The following WFDC8 variants were observed in gnomAD, a reference collection of about 807,000 sequenced individuals.
WFDC8 encodes the protein WAP four-disulfide core domain 8, also known as WAP four-disulfide core domain protein 8.
Under a neutral mutation model 27.0 loss-of-function variants are expected in WFDC8, and 24 were observed. That is an observed-to-expected ratio of 0.89 (90% CI 0.64 to 1.25). The LOEUF is 1.25. Ranked by LOEUF, WFDC8 falls within the 50% of genes most tolerant of loss-of-function variation. The pLI is 0.00. For missense variants in WFDC8, 287 were observed against 295.9 expected (o/e 0.97, Z 0.22); for synonymous variants, 106 against 99.7 (o/e 1.06, Z -0.38).
intron 1 of WFDC8, among the ~76,000 whole-genome samples, chr20:45,563,302 G>A (rs1235238185): frequency 6.6e-6 from 1 of 152,174 alleles, no homozygotes; most frequent in African/African-American, 2.4e-5. Flanking sequence ...TGGAAAATGG[G>A]AATAATACAA....
At chr20:45,575,912 A>G (rs1418536651) in intron 1 of WFDC8, among the ~76,000 whole-genome samples, 1 of 151,296 alleles carries the variant, frequency 6.6e-6, no homozygotes, top group Non-Finnish European at 1.5e-5. Context: ...TCAACCAGAT[A>G]TGTGCCTCTA....
chr20:45,563,608 G>A lies in WFDC8; in HGVS notation c.27-1389C>T, dbSNP rs367617376. On this transcript the variant is annotated intron_variant, in intron 1 of 5. Transcript: ENST00000289953. ...ATCAGTGTTTATTGTATTTTAGCCA[G>A]TTAACAAATAATGAATGGCAATAGT... is the stretch of plus-strand genomic sequence containing the variant. 2.2e-4 allele frequency among the ~76,000 whole-genome samples: 34 copies of A among 152,348 alleles called. No individual in the cohort carries two copies. In the East Asian group the frequency reaches 6.2e-3, roughly 28 times the overall value.
chr20:45,553,287 A>G lies in WFDC8; in HGVS notation c.446-11T>C. On this transcript the variant is annotated splice_polypyrimidine_tract_variant and intron_variant, in intron 4 of 5. Transcript: ENST00000289953. ...ATTGTCCATCCTTAACTAAAATAAG[A>G]GCAGATGTGAGCTTCTTAAAACCCC... 2 of 1,608,318 alleles carry G rather than the reference A, an allele frequency of 1.2e-6. No individual in the cohort carries two copies. Among genetic ancestry groups the G allele is most frequent in the Admixed American group, 1.7e-5 (1 of 59,418 alleles).
intron 1 of WFDC8, among the ~76,000 whole-genome samples, chr20:45,569,821 G>A (rs1031588880): frequency 3.0e-4 from 45 of 152,154 alleles, no homozygotes; most frequent in African/African-American, 1.1e-3. Context: ...TAAAGAAAAT[G>A]TGATACATAC....
intron 1 of WFDC8, among the ~76,000 whole-genome samples, chr20:45,574,931 T>C (rs759204114): frequency 3.3e-5 from 5 of 152,212 alleles, no homozygotes; most frequent in Admixed American, 6.5e-5. Context: ...ATAAATAATA[T>C]GATCATCTCA....
intron 4 of WFDC8, among the ~76,000 whole-genome samples, chr20:45,553,526 C>T (rs1350065651): frequency 2.6e-5 from 4 of 152,134 alleles, no homozygotes; most frequent in African/African-American, 9.7e-5. Flanking sequence ...GAGTTTCCTT[C>T]TCTGTAAAAT....
intron 1 of WFDC8, among the ~76,000 whole-genome samples, chr20:45,578,771 G>A (rs1238288662): frequency 3.3e-5 from 5 of 152,250 alleles, no homozygotes; most frequent in African/African-American, 1.2e-4. Context: ...AAAATGTTTA[G>A]ATACATATTA....
chr20:45,570,988 TCTC>T (rs1306860583), intron 1 of WFDC8, among the ~76,000 whole-genome samples: 1 of 152,176 alleles, frequency 6.6e-6, no homozygotes, highest in Non-Finnish European at 1.5e-5. Flanking sequence ...TTTTCCAACT[TCTC>T]CTAGGACAGC....
At chr20:45,565,751 G>A (rs1980654930) in intron 1 of WFDC8, among the ~76,000 whole-genome samples, 1 of 152,178 alleles carries the variant, frequency 6.6e-6, no homozygotes, top group South Asian at 2.1e-4. Flanking sequence ...CTAGAAATAG[G>A]ATTCAGGAGT....
chr20:45,552,752 G>A (rs980202962), intron 5 of WFDC8, among the ~76,000 whole-genome samples: 5 of 152,176 alleles, frequency 3.3e-5, no homozygotes, highest in African/African-American at 4.8e-5. Flanking sequence ...CATCTTACAG[G>A]ATATGAATAT....
At chr20:45,571,041 G>A (rs1980849075) in intron 1 of WFDC8, among the ~76,000 whole-genome samples, 1 of 152,092 alleles carries the variant, frequency 6.6e-6, no homozygotes, top group South Asian at 2.1e-4. Flanking sequence ...GAGCCTGCTT[G>A]GGTAGGAGTT....
chr20:45,577,031 T>C (rs1353646079), intron 1 of WFDC8, among the ~76,000 whole-genome samples: 2 of 151,438 alleles, frequency 1.3e-5, no homozygotes, highest in Non-Finnish European at 1.5e-5. Flanking sequence ...TCATGATGCT[T>C]TTGTGGTCAT....
At chr20:45,556,840 G>A (rs746413981) in intron 3 of WFDC8, among the ~76,000 whole-genome samples, 33 of 152,040 alleles carry the variant, frequency 2.2e-4, no homozygotes, top group African/African-American at 4.8e-4. Context: ...GATTTTACAC[G>A]ACAACCAATG....
chr20:45,557,945 A>G (rs1163557669), intron 3 of WFDC8, among the ~76,000 whole-genome samples: 1 of 152,198 alleles, frequency 6.6e-6, no homozygotes, highest in Non-Finnish European at 1.5e-5. Context: ...ATCTCCTAGA[A>G]CATCTGTATC....
At position 45,555,858 on chromosome 20, in the gene WFDC8, C is replaced by T. The variant is rs1233789146; in HGVS notation, c.288G>A (p.Met96Ile). The T allele has an allele frequency of 2.5e-5, 41 of 1,613,746 alleles. No individual in the cohort carries two copies. Among genetic ancestry groups the T allele is most frequent in the Non-Finnish European group, 3.3e-5 (39 of 1,179,892 alleles). The part of the protein sequence containing the change: ...KCMDPFQEPC[M>I]LPVRHGNCNH... The stretch of plus-strand genomic sequence containing the variant: ...TACAGTTTCCATGCCTCACAGGTAG[C>T]ATGCAGGGTTCTGAGGTCAGGAAGC... The change falls in exon 4 of 6, where the codon ATG becomes ATA. Residue 96 changes from methionine (M) to isoleucine (I), a missense_variant. Physicochemically the swap from Met to Ile is conservative, Grantham distance 10 (BLOSUM62 1). Coordinates refer to ENST00000289953, the MANE Select transcript of WFDC8 (RefSeq NM_130896.3).
chr20:45,569,088 C>A (rs77157129), intron 1 of WFDC8, among the ~76,000 whole-genome samples: 19 of 152,138 alleles, frequency 1.2e-4, no homozygotes, highest in Non-Finnish European at 2.5e-4. Context: ...TTTCCAAATC[C>A]AATCCTGCTT....
chr20:45,562,869 G>T (rs536105797), intron 1 of WFDC8, among the ~76,000 whole-genome samples: 3 of 151,978 alleles, frequency 2.0e-5, no homozygotes, highest in South Asian at 4.2e-4. Context: ...TTATTTTAAG[G>T]TGTGAAAAAC....
At chr20:45,574,736 T>C (rs1379784717) in intron 1 of WFDC8, among the ~76,000 whole-genome samples, 1 of 152,178 alleles carries the variant, frequency 6.6e-6, no homozygotes, top group East Asian at 1.9e-4. Context: ...TGGCAGAGGT[T>C]GCAGTGAACC....
At chr20:45,570,604 G>A (rs6032336) in intron 1 of WFDC8, among the ~76,000 whole-genome samples, 2,748 of 152,220 alleles carry the variant, frequency 0.018, 79 homozygotes, top group African/African-American at 0.056. Flanking sequence ...AATTATGAAT[G>A]AAGCCCATAC....
Sources: allele counts gnomAD v4.1 joint callset (sites outside exome capture counted in the v4.1 genomes callset), GRCh38; gene constraint gnomAD v4.1.1; transcripts MANE v1.5; gene names NCBI Gene and HGNC (gene_info 2026-07-23, HGNC 2026-07-21).